The following TAMM41 variants were observed in gnomAD, a reference collection of about 807,000 sequenced individuals.
TAMM41 encodes the protein phosphatidate cytidylyltransferase, mitochondrial.
A neutral mutation model predicts 44.1 loss-of-function variants in TAMM41; 36 were observed. That is an observed-to-expected ratio of 0.82 (90% confidence interval 0.63 to 1.08). The LOEUF is 1.08. TAMM41 is among the 50% of genes least tolerant of loss of function. The pLI, the probability that TAMM41 is intolerant of heterozygous loss-of-function variation, is 0.00. For synonymous variants in TAMM41, 164 were observed against 153.1 expected, an observed-to-expected ratio of 1.07 and a Z score of -0.53; for missense variants, 417 against 404.3, an observed-to-expected ratio of 1.03 and a Z score of -0.27.
chr3:11,742,700 C>G, the TAMM41 span, among the ~76,000 whole-genome samples: 2 of 149,188 alleles, frequency 1.3e-5, no homozygotes, highest in Non-Finnish European at 2.9e-5. Context: ...AATCATCCTA[C>G]CTCAGTCTCC....
the TAMM41 span, among the ~76,000 whole-genome samples, chr3:11,767,523 C>T: frequency 6.6e-5 from 10 of 151,858 alleles, no homozygotes; most frequent in Non-Finnish European, 1.3e-4. Flanking sequence ...GATGACTACA[C>T]GGAACTATCA....
chr3:11,824,071 C>T (rs1220979648), intron 4 of TAMM41, among the ~76,000 whole-genome samples: 2 of 152,120 alleles, frequency 1.3e-5, no homozygotes, highest in African/African-American at 4.8e-5. Flanking sequence ...AAGTGATCTA[C>T]CAGCCTTGGC....
At chr3:11,842,421 C>T (rs574235146) in intron 2 of TAMM41, among the ~76,000 whole-genome samples, 182 of 145,516 alleles carry the variant, frequency 1.3e-3, no homozygotes, top group Non-Finnish European at 2.5e-3. Flanking sequence ...AAAGCAGAAC[C>T]TTGGTGGGGC....
Position 11,807,825 on chromosome 3 carries a change from G to T in TAMM41, c.937+8C>A, listed in dbSNP as rs1201116084. On this transcript the variant is annotated splice_region_variant and intron_variant, in intron 7 of 7. Transcript: ENST00000455809. ...GGTATGTTACACACGGATTTCCAAAGCTCTTACCAGCAGTAAAAATGCCTT... is the reference window on the plus strand; with the variant it reads ...GGTATGTTACACACGGATTTCCAAATCTCTTACCAGCAGTAAAAATGCCTT... 3 of 1,536,038 alleles carry T rather than the reference G, an allele frequency of 2.0e-6. No homozygotes were observed. The highest frequency in any genetic ancestry group is 2.6e-6 in the Non-Finnish European group (3 of 1,146,912).
the TAMM41 span, among the ~76,000 whole-genome samples, chr3:11,744,361 C>A: frequency 1.6e-4 from 24 of 152,096 alleles, no homozygotes; most frequent in East Asian, 3.7e-3. Context: ...AGCCACCATG[C>A]CCGGCCAAGA....
the TAMM41 span, among the ~76,000 whole-genome samples, chr3:11,774,326 A>G: frequency 1.3e-5 from 2 of 152,176 alleles, no homozygotes; most frequent in African/African-American, 2.4e-5. Flanking sequence ...GGAATCAGAA[A>G]GGTGCTCTGC....
At position 11,790,570 on chromosome 3, in the gene TAMM41, ACTT is replaced by A; in HGVS notation, c.946_948del (p.Lys316del). 1 of 1,613,874 alleles carries A rather than the reference ACTT, an allele frequency of 6.2e-7. No homozygotes were observed. The highest frequency in any genetic ancestry group is 8.5e-7 in the Non-Finnish European group (1 of 1,179,844). On this transcript the variant is annotated inframe_deletion, in exon 8 of 8. Transcript: ENST00000455809. ...AGTTTTAGTGAACTATAAATCACTG[ACTT>A]CTTCAGGCCTAAAAGAGAAAAGATG... is the stretch of plus-strand genomic sequence containing the variant.
At chr3:11,756,110 C>T in the TAMM41 span, among the ~76,000 whole-genome samples, 30 of 152,274 alleles carry the variant, frequency 2.0e-4, no homozygotes, top group Admixed American at 1.8e-3. Flanking sequence ...GGACTATTTG[C>T]GGCTCAAATG....
At chr3:11,752,680 C>T in the TAMM41 span, among the ~76,000 whole-genome samples, 2 of 122,644 alleles carry the variant, frequency 1.6e-5, no homozygotes, top group Non-Finnish European at 3.3e-5. Context: ...CTCTCTATCA[C>T]CCAGGCTTGA....
intron 7 of TAMM41, among the ~76,000 whole-genome samples, chr3:11,795,095 T>C (rs551299257): frequency 1.3e-5 from 2 of 152,246 alleles, no homozygotes; most frequent in Admixed American, 1.3e-4. Flanking sequence ...ACTAATCCAT[T>C]CTACTGTGTT....
the TAMM41 span, among the ~76,000 whole-genome samples, chr3:11,741,878 C>T: frequency 1.3e-5 from 2 of 149,900 alleles, no homozygotes; most frequent in African/African-American, 5.1e-5. Flanking sequence ...AATTGGATAA[C>T]CCAGATGGCT....
the TAMM41 span, among the ~76,000 whole-genome samples, chr3:11,722,746 G>A: frequency 1.3e-5 from 2 of 152,150 alleles, no homozygotes; most frequent in South Asian, 2.1e-4. Context: ...CAAGGTGGGC[G>A]AATCACGAGG....
chr3:11,732,064 G>A, the TAMM41 span, among the ~76,000 whole-genome samples: 4 of 151,822 alleles, frequency 2.6e-5, no homozygotes, highest in Non-Finnish European at 4.4e-5. Flanking sequence ...GCGTGGTTTC[G>A]CCATGTTGCC....
At position 11,839,956 on chromosome 3, in the gene TAMM41, T is replaced by C. The variant is rs1248967205; in HGVS notation, c.319-642A>G. On this transcript the variant is annotated intron_variant, in intron 2 of 7. Coordinates refer to ENST00000455809, the MANE Select transcript of TAMM41 (RefSeq NM_001284401.2). The stretch of plus-strand genomic sequence containing the variant: ...GGTCTTTTGAGATGTTTTCAGACTT[T>C]TGCATTCCAGCAACTGACTGACCCC... Among the ~76,000 whole-genome samples the C allele has an allele frequency of 1.6e-4, 24 of 152,092 alleles. 1 individual carries two copies. The highest frequency in any genetic ancestry group is 1.5e-3 in the Admixed American group (23 of 15,266).
intron 2 of TAMM41, among the ~76,000 whole-genome samples, chr3:11,840,744 T>G: frequency 6.6e-6 from 1 of 151,874 alleles, no homozygotes; most frequent in Non-Finnish European, 1.5e-5. Flanking sequence ...CCAAAGACAG[T>G]TTGAGAAGTG....
At chr3:11,781,638 G>A in the TAMM41 span, among the ~76,000 whole-genome samples, 9 of 151,906 alleles carry the variant, frequency 5.9e-5, no homozygotes, top group Non-Finnish European at 1.2e-4. Context: ...AGGAGGCTGA[G>A]GCAGGAGAAT....
At chr3:11,775,087 T>C in the TAMM41 span, among the ~76,000 whole-genome samples, 3 of 151,824 alleles carry the variant, frequency 2.0e-5, no homozygotes, top group Admixed American at 2.0e-4. Context: ...CCAGGCTGGT[T>C]TGAACTCCTG....
intron 3 of TAMM41, among the ~76,000 whole-genome samples, chr3:11,836,347 A>G (rs1023906815): frequency 6.6e-6 from 1 of 152,190 alleles, no homozygotes; most frequent in Non-Finnish European, 1.5e-5. Flanking sequence ...ACTGAAGTTC[A>G]GAAAGATAAA....
chr3:11,813,826 A>ATGTGTGTG (rs769715029), intron 5 of TAMM41, among the ~76,000 whole-genome samples: 11 of 114,010 alleles, frequency 9.6e-5, no homozygotes, highest in Non-Finnish European at 1.4e-4. Context: ...GGGTACAAAT[A>ATGTGTGTG]TATGTGTGTG....
Sources: gnomAD v4.1 joint callset for allele counts (sites outside exome capture counted in the v4.1 genomes callset) on GRCh38, gnomAD v4.1.1 for gene constraint, MANE v1.5 for transcripts, NCBI Gene and HGNC (gene_info 2026-07-23, HGNC 2026-07-21) for gene names.